Variants in SLC22A15 observed in about 807,000 individuals in gnomAD.
The protein encoded by SLC22A15 is solute carrier family 22 member 15.
SLC22A15 carries 45 observed loss-of-function variants against 62.7 expected under a neutral mutation model. That is an observed-to-expected ratio of 0.72 (90% CI 0.56 to 0.92). The LOEUF is 0.92. SLC22A15 is among the 40% of genes least tolerant of loss of function. SLC22A15 has a pLI of 0.00. For synonymous variants in SLC22A15, 264 were observed against 267.0 expected (o/e 0.99, Z 0.11); for missense variants, 622 against 665.6 (o/e 0.93, Z 0.72).
intron 2 of SLC22A15, among the ~76,000 whole-genome samples, chr1:116,011,743 G>A (rs941580573): frequency 6.6e-6 from 1 of 152,106 alleles, no homozygotes; most frequent in African/African-American, 2.4e-5. Flanking sequence ...GAGACTTAAG[G>A]TGTGTCATGG....
intron 1 of SLC22A15, among the ~76,000 whole-genome samples, chr1:115,990,868 C>T (rs1398764834): frequency 1.3e-5 from 2 of 152,184 alleles, no homozygotes; most frequent in Non-Finnish European, 2.9e-5. Flanking sequence ...AGCGATTCTC[C>T]TGTCTGAGCC....
chr1:115,996,163 A>G (rs2101113547), intron 2 of SLC22A15, among the ~76,000 whole-genome samples: 1 of 152,234 alleles, frequency 6.6e-6, no homozygotes, highest in East Asian at 1.9e-4. Context: ...GCCTTTTGAG[A>G]TTGGCTTTTT....
intron 8 of SLC22A15, among the ~76,000 whole-genome samples, chr1:116,061,498 G>A (rs372673034): frequency 6.6e-6 from 1 of 152,136 alleles, no homozygotes; most frequent in Non-Finnish European, 1.5e-5. Flanking sequence ...ATGGAAGCCA[G>A]ATTGTAGTAA....
chr1:116,032,570 C>T (rs1478836969), intron 6 of SLC22A15: 3 of 985,270 alleles, frequency 3.0e-6, no homozygotes, highest in East Asian at 1.1e-4. Context: ...ATATCATATA[C>T]TCTTTTTCTA....
At chr1:115,982,359 C>T (rs1341871692) in intron 1 of SLC22A15, among the ~76,000 whole-genome samples, 1 of 152,166 alleles carries the variant, frequency 6.6e-6, no homozygotes, top group Non-Finnish European at 1.5e-5. Flanking sequence ...AGCATGCTCA[C>T]ATTTTGGTGT....
At chr1:116,050,391 C>A (rs1173573103) in intron 8 of SLC22A15, among the ~76,000 whole-genome samples, 1 of 152,150 alleles carries the variant, frequency 6.6e-6, no homozygotes, top group Non-Finnish European at 1.5e-5. Flanking sequence ...AAAAGATAAT[C>A]CACCATGATC....
intron 6 of SLC22A15, 172 bp downstream of exon 6, chr1:116,031,753 G>A: frequency 7.0e-7 from 1 of 1,432,290 alleles, no homozygotes; most frequent in Non-Finnish European, 9.1e-7. Context: ...TGCTTGCGCA[G>A]CCCCGTCTTT....
chr1:116,066,458 G>A, intron 10 of SLC22A15, 62 bp from the exon 11 acceptor site: 2 of 1,446,986 alleles, frequency 1.4e-6, no homozygotes, highest in Non-Finnish European at 1.9e-6. Flanking sequence ...GAGACTGCTT[G>A]TATTACATGC....
chr1:115,983,021 G>A (rs1292577017), intron 1 of SLC22A15, among the ~76,000 whole-genome samples: 3 of 152,158 alleles, frequency 2.0e-5, no homozygotes. Context: ...GTATTAAATA[G>A]CATTAACTCT....
chr1:116,067,347 C>G lies in SLC22A15; in HGVS notation c.*239C>G. The G allele has an allele frequency of 2.2e-6, 1 of 461,158 alleles. No homozygotes were observed. The highest frequency in any genetic ancestry group is 3.6e-5 in the South Asian group (1 of 28,012). The allele number at this position is 461,158 out of a possible 1,614,324, so 28.6% of individuals were successfully genotyped here. The stretch of plus-strand genomic sequence containing the variant: ...ATTTGTTTAGAATTTAAGTTCTACT[C>G]AGAATCATAACATCTGGCAGAACAG... On this transcript the variant is annotated 3_prime_UTR_variant, in exon 12 of 12. Coordinates refer to ENST00000369503, the MANE Select transcript of SLC22A15 (RefSeq NM_018420.3).
chr1:116,066,563 C>T lies in SLC22A15; in HGVS notation c.1409C>T (p.Thr470Met), dbSNP rs142863805. ...TTACCATTCATTGTCTTCGGAGCCACGGGTCTGACCTCCGGCCTCCTGAGT... is the reference window on the plus strand; with the variant it reads ...TTACCATTCATTGTCTTCGGAGCCATGGGTCTGACCTCCGGCCTCCTGAGT... ...WSLPFIVFGATGLTSGLLSLL... is the reference protein window; with the variant it reads ...WSLPFIVFGAMGLTSGLLSLL... The change falls in exon 11 of 12, where the codon ACG becomes ATG. Residue 470 changes from threonine to methionine, a missense_variant. Thr to Met is a moderately conservative substitution (Grantham distance 81). Coordinates refer to ENST00000369503, the MANE Select transcript of SLC22A15 (RefSeq NM_018420.3). The T allele has an allele frequency of 1.7e-5, 28 of 1,607,490 alleles. No individual in the cohort carries two copies. Among genetic ancestry groups the T allele is most frequent in the Middle Eastern group, 3.3e-4 (2 of 6,074 alleles).
chr1:116,035,567 G>A (rs1281228773), intron 7 of SLC22A15, among the ~76,000 whole-genome samples: 1 of 152,162 alleles, frequency 6.6e-6, no homozygotes, highest in East Asian at 1.9e-4. Flanking sequence ...ATTGAATATC[G>A]AAATCCAAGA....
At chr1:116,048,294 A>G (rs1169126674) in intron 8 of SLC22A15, among the ~76,000 whole-genome samples, 1 of 152,206 alleles carries the variant, frequency 6.6e-6, no homozygotes, top group Non-Finnish European at 1.5e-5. Context: ...GGTTATCTAA[A>G]GTTAAGACAA....
chr1:115,994,181 C>T (rs932326694), intron 2 of SLC22A15, among the ~76,000 whole-genome samples: 1 of 146,792 alleles, frequency 6.8e-6, no homozygotes, highest in South Asian at 2.1e-4. Context: ...ACCAGCCCCA[C>T]CACCACCACC....
intron 2 of SLC22A15, among the ~76,000 whole-genome samples, chr1:116,000,536 A>G (rs1474379784): frequency 6.6e-6 from 1 of 152,030 alleles, no homozygotes; most frequent in African/African-American, 2.4e-5. Flanking sequence ...TTTATACACG[A>G]CAATTACAAT....
At chr1:116,051,374 C>G (rs1658044297) in intron 8 of SLC22A15, among the ~76,000 whole-genome samples, 1 of 152,146 alleles carries the variant, frequency 6.6e-6, no homozygotes, top group South Asian at 2.1e-4. Context: ...GCATATAGAC[C>G]AGTGGAACAG....
In SLC22A15 at chr1:116,031,787, T is replaced by C; in HGVS notation, c.944+206T>C. On this transcript the variant is annotated intron_variant, in intron 6 of 11. Coordinates refer to ENST00000369503, the MANE Select transcript of SLC22A15 (RefSeq NM_018420.3). ...TTCTCAAGTAGCAGATGATAGTGCC[T>C]GATGGGCAGGTCCACTGAGCTTGAG... The C allele has an allele frequency of 2.1e-6, 3 of 1,417,356 alleles. No homozygotes were observed. In the East Asian group the frequency reaches 7.7e-5, roughly 37 times the overall value. The allele number at this position is 1,417,356 out of a possible 1,614,324, so 87.8% of individuals were successfully genotyped here.
At chr1:116,031,298 G>A (rs975696677) in intron 5 of SLC22A15, 68 bp from the exon 6 acceptor site, 1 of 1,207,224 alleles carries the variant, frequency 8.3e-7, no homozygotes, top group African/African-American at 1.5e-5. Flanking sequence ...TACTGAGTAG[G>A]TGATTTGTCT....
intron 8 of SLC22A15, among the ~76,000 whole-genome samples, chr1:116,059,414 A>T (rs1001280452): frequency 6.6e-6 from 1 of 152,246 alleles, no homozygotes; most frequent in Non-Finnish European, 1.5e-5. Flanking sequence ...ATGGAACTCA[A>T]ATGCCCTTCA....
Sources: gnomAD v4.1 joint callset for allele counts (sites outside exome capture counted in the v4.1 genomes callset) on GRCh38, gnomAD v4.1.1 for gene constraint, MANE v1.5 for transcripts, NCBI Gene and HGNC (gene_info 2026-07-23, HGNC 2026-07-21) for gene names.